Variants in CCDC117 observed in about 807,000 individuals in gnomAD.
CCDC117 encodes coiled-coil domain-containing protein 117.
A neutral mutation model predicts 23.5 loss-of-function variants in CCDC117; 1 was observed. That is an observed-to-expected ratio of 0.04 (90% confidence interval 0.02 to 0.20). The LOEUF (loss-of-function observed/expected upper bound fraction) is 0.20, where lower values mean the gene tolerates loss of function less well. Among genes scored for constraint, CCDC117 ranks in the 10% least tolerant of loss-of-function variants. The pLI is 1.00. For synonymous variants in CCDC117, 132 were observed against 124.8 expected, an observed-to-expected ratio of 1.06 and a Z score of -0.39; for missense variants, 383 against 348.2, an observed-to-expected ratio of 1.10 and a Z score of -0.80.
chr22:28,775,783 G>A (rs1446710676), intron 2 of CCDC117, among the ~76,000 whole-genome samples: 1 of 152,040 alleles, frequency 6.6e-6, no homozygotes, highest in East Asian at 1.9e-4. Flanking sequence ...TGTAATCCCA[G>A]CTACTCGGGA....
intron 4 of CCDC117, among the ~76,000 whole-genome samples, chr22:28,784,233 C>T (rs1211707234): frequency 6.6e-6 from 1 of 152,142 alleles, no homozygotes; most frequent in Admixed American, 6.5e-5. Context: ...AAACAAAACT[C>T]CTAACAGGGA....
chr22:28,782,250 CTTTTTTTTTTTT>C (rs34670753), intron 3 of CCDC117, among the ~76,000 whole-genome samples: 3 of 80,320 alleles, frequency 3.7e-5, no homozygotes, highest in South Asian at 6.3e-4. Flanking sequence ...TCTACTGAGC[CTTTTTTTTTTTT>C]TTTTTTTTTT....
Position 28,788,516 on chromosome 22 carries a change from C to T in CCDC117, c.*2190C>T, listed in dbSNP as rs1311027061. On this transcript the variant is annotated 3_prime_UTR_variant, in exon 5 of 5. Coordinates refer to ENST00000249064, the MANE Select transcript of CCDC117 (RefSeq NM_173510.4). ...AAGCCCCCAACACAAGGCTCTGATA[C>T]TACTGGTAAATGTAGGAGAGAATTA... The T allele has an allele frequency of 1.3e-5, 2 of 152,260 alleles. No homozygotes were observed. The highest frequency in any genetic ancestry group is 4.8e-5 in the African/African-American group (2 of 41,450). The allele number at this position is 152,260 out of a possible 1,614,324, so 9.4% of individuals were successfully genotyped here.
intron 2 of CCDC117, among the ~76,000 whole-genome samples, chr22:28,779,366 C>CTT (rs772426837): frequency 4.1e-5 from 6 of 145,014 alleles, no homozygotes; most frequent in Non-Finnish European, 9.1e-5. Flanking sequence ...CTGCGCCCAG[C>CTT]TTTTTTTTTT....
Position 28,787,326 on chromosome 22 carries a change from G to C in CCDC117, c.*1000G>C, listed in dbSNP as rs1458873049. 2 of 151,978 alleles carry C rather than the reference G, an allele frequency of 1.3e-5. No homozygotes were observed. Among genetic ancestry groups the C allele is most frequent in the African/African-American group, 4.8e-5 (2 of 41,350 alleles). 9.4% of individuals were successfully genotyped at this position (151,978 alleles called of 1,614,324 possible). On this transcript the variant is annotated 3_prime_UTR_variant, in exon 5 of 5. Coordinates refer to ENST00000249064, the MANE Select transcript of CCDC117 (RefSeq NM_173510.4). The stretch of plus-strand genomic sequence containing the variant: ...AGCTAATTTTTGTATTTTTAATAGA[G>C]ACCGGTTTTGCCATGTTGGCCAGGC...
At chr22:28,781,339 T>TTTTG (rs2031320301) in intron 3 of CCDC117, among the ~76,000 whole-genome samples, 167 bp downstream of exon 3, 2 of 2,734 alleles carry the variant, frequency 7.3e-4, no homozygotes, top group Admixed American at 2.8e-3. Flanking sequence ...TGTTTTGTTT[T>TTTTG]TTTTTTTTTT....
chr22:28,779,501 C>T (rs887277437), intron 2 of CCDC117, among the ~76,000 whole-genome samples: 12 of 152,024 alleles, frequency 7.9e-5, no homozygotes, highest in African/African-American at 1.4e-4. Flanking sequence ...CTACCGTGTC[C>T]GGCCTAAAAT....
At position 28,773,734 on chromosome 22, in the gene CCDC117, T is replaced by C. The variant is rs746196692; in HGVS notation, c.195T>C (p.Val65=). Residue 65 remains valine, a synonymous_variant, in exon 2 of 5, where the codon GTT becomes GTC. Coordinates refer to ENST00000249064, the MANE Select transcript of CCDC117 (RefSeq NM_173510.4). ...TTGTTTGTTTCAACAGTGTTTCTGT[T>C]CACTGTAAAAAGAAACACAAGCGAG... is the stretch of plus-strand genomic sequence containing the variant. ...AGSAARGRVS[V]HCKKKHKREE... 1.2e-6 allele frequency: 2 copies of C among 1,613,430 alleles called. No individual in the cohort carries two copies. The highest frequency in any genetic ancestry group is 2.7e-5 in the African/African-American group (2 of 74,920).
intron 2 of CCDC117, among the ~76,000 whole-genome samples, chr22:28,773,988 A>G (rs188119782): frequency 6.6e-6 from 1 of 152,326 alleles, no homozygotes; most frequent in Admixed American, 6.5e-5. Context: ...ACAAGTTGTA[A>G]TATTTGGATT....
intron 4 of CCDC117, 147 bp from the exon 5 acceptor site, chr22:28,785,939 AAAG>A (rs1264326517): frequency 3.1e-5 from 19 of 610,542 alleles, no homozygotes; most frequent in African/African-American, 2.0e-4. Context: ...AAAAAAAAAA[AAAG>A]AAAGTAAAGA....
Position 28,786,295 on chromosome 22 carries a change from C to T in CCDC117, c.809C>T (p.Ala270Val). The T allele has an allele frequency of 6.2e-7, 1 of 1,613,700 alleles. No homozygotes were observed. The highest frequency in any genetic ancestry group is 8.5e-7 in the Non-Finnish European group (1 of 1,179,868). Residue 270 changes from alanine (A) to valine (V), a missense_variant, in exon 5 of 5, where the codon GCT (alanine) becomes GTT (valine). Transcript: ENST00000249064. ...TCTCTTTATAATAGTTTGGAGACAG[C>T]TACTAGCACAGAAGAAGAGATGGAA... ...GMSLYNSLET[A>V]TSTEEEMEL
At chr22:28,777,137 C>T (rs771873112) in intron 2 of CCDC117, among the ~76,000 whole-genome samples, 1 of 149,170 alleles carries the variant, frequency 6.7e-6, no homozygotes, top group South Asian at 2.1e-4. Flanking sequence ...CTCCCGTGTT[C>T]AAGTGATTCT....
Position 28,786,352 on chromosome 22 carries a change from C to T in CCDC117, c.*26C>T. On this transcript the variant is annotated 3_prime_UTR_variant, in exon 5 of 5. Coordinates refer to ENST00000249064, the MANE Select transcript of CCDC117 (RefSeq NM_173510.4). ...AAACCAATTTCTACACTAAAGTTGT[C>T]AAATGTTAGAAGAATCCTGTGTTCA... is the stretch of plus-strand genomic sequence containing the variant. The T allele has an allele frequency of 6.6e-7, 1 of 1,517,816 alleles. No homozygotes were observed. The highest frequency in any genetic ancestry group is 9.1e-7 in the Non-Finnish European group (1 of 1,095,648). The allele number at this position is 1,517,816 out of a possible 1,614,324, so 94.0% of individuals were successfully genotyped here.
chr22:28,781,949 C>T (rs1356522632), intron 3 of CCDC117, among the ~76,000 whole-genome samples: 14 of 141,772 alleles, frequency 9.9e-5, no homozygotes, highest in South Asian at 2.4e-4. Flanking sequence ...AGCCCCCCCC[C>T]TTTTTTTTTT....
At chr22:28,775,358 A>G (rs138864587) in intron 2 of CCDC117, among the ~76,000 whole-genome samples, 3,473 of 152,316 alleles carry the variant, frequency 0.023, 79 homozygotes, top group African/African-American at 0.053. Context: ...ATTATTTCTA[A>G]TCTTTTGCTA....
chr22:28,773,150 C>G (rs893942581), intron 1 of CCDC117, 116 bp downstream of exon 1: 6 of 302,576 alleles, frequency 2.0e-5, no homozygotes, highest in Non-Finnish European at 3.0e-5. Flanking sequence ...TTTTGACTCC[C>G]TCCCCACGGC....
intron 4 of CCDC117, among the ~76,000 whole-genome samples, chr22:28,785,007 T>G (rs554716668): frequency 6.6e-6 from 1 of 152,294 alleles, no homozygotes; most frequent in East Asian, 1.9e-4. Context: ...CCTGACCTTG[T>G]GATCCACCCT....
At position 28,772,939 on chromosome 22, in the gene CCDC117, G is replaced by A; in HGVS notation, c.90G>A (p.Arg30=). The change falls in exon 1 of 5, where the codon CGG becomes CGA. Residue 30 remains arginine, a synonymous_variant. Coordinates refer to ENST00000249064, the MANE Select transcript of CCDC117 (RefSeq NM_173510.4). ...CGCCGCAGCCGGCCTTCCCCGGCCG[G>A]GCCTTCCCGCCGGGGGCTGACGGCG... The part of the protein sequence containing the change: ...LQPPQPAFPG[R]AFPPGADGAE... 8.2e-7 allele frequency: 1 copy of A among 1,219,886 alleles called. No homozygotes were observed. Among genetic ancestry groups the A allele is most frequent in the Non-Finnish European group, 1.0e-6 (1 of 980,074 alleles). 75.6% of individuals were successfully genotyped at this position (1,219,886 alleles called of 1,614,324 possible).
chr22:28,772,735 G>A lies in CCDC117; in HGVS notation c.-115G>A, dbSNP rs79084132. The A allele has an allele frequency of 3.4e-3, 2,735 of 804,258 alleles. 51 individuals carry two copies. The African/African-American group carries it at 0.04, about 12-fold the overall frequency. The allele number at this position is 804,258 out of a possible 1,614,324, so 49.8% of individuals were successfully genotyped here. ...GAGGGTTCTAGAAGGCGTGACGTGGGGTCGAGAGCGGGATCCGAGGCTGGC... is the reference window on the plus strand; with the variant it reads ...GAGGGTTCTAGAAGGCGTGACGTGGAGTCGAGAGCGGGATCCGAGGCTGGC... On this transcript the variant is annotated 5_prime_UTR_variant, in exon 1 of 5. Coordinates refer to ENST00000249064, the MANE Select transcript of CCDC117 (RefSeq NM_173510.4).
Sources: gnomAD v4.1 joint callset for allele counts (sites outside exome capture counted in the v4.1 genomes callset) on GRCh38, gnomAD v4.1.1 for gene constraint, MANE v1.5 for transcripts, NCBI Gene and HGNC (gene_info 2026-07-23, HGNC 2026-07-21) for gene names.